Variants in C16orf74 observed in about 807,000 individuals in gnomAD.
C16orf74 encodes calcimembrin.
Under a neutral mutation model 6.5 loss-of-function variants are expected in C16orf74, and 10 were observed. The observed-to-expected ratio is 1.54, with a 90% CI of 0.95 to 2.61. The LOEUF (loss-of-function observed/expected upper bound fraction) is 2.61, where lower values mean the gene tolerates loss of function less well. Ranked by LOEUF, C16orf74 falls within the 30% of genes most tolerant of loss-of-function variation. The pLI is 0.00. For synonymous variants in C16orf74, 60 were observed against 42.5 expected, an observed-to-expected ratio of 1.41 and a Z score of -1.60; for missense variants, 141 against 105.9, an observed-to-expected ratio of 1.33 and a Z score of -1.45.
chr16:85,720,197 G>A (rs925390764), intron 2 of C16orf74, among the ~76,000 whole-genome samples: 2 of 152,104 alleles, frequency 1.3e-5, no homozygotes, highest in Non-Finnish European at 2.9e-5. Flanking sequence ...TTTTAATTAA[G>A]GAAAAAGCCC....
At chr16:85,710,554 G>C (rs2053959535) in intron 2 of C16orf74, 1 of 466,424 alleles carries the variant, frequency 2.1e-6, no homozygotes, top group Non-Finnish European at 3.7e-6. Context: ...GCTGATCATA[G>C]GCTAGTTGGC....
intron 3 of C16orf74, among the ~76,000 whole-genome samples, chr16:85,709,442 A>T (rs1377689798): frequency 6.6e-6 from 1 of 152,054 alleles, no homozygotes; most frequent in Non-Finnish European, 1.5e-5. Context: ...ACTAAATAAG[A>T]AAATCCATTT....
At chr16:85,724,369 C>G (rs539425809) in intron 2 of C16orf74, among the ~76,000 whole-genome samples, 3 of 152,132 alleles carry the variant, frequency 2.0e-5, no homozygotes, top group Non-Finnish European at 2.9e-5. Context: ...CTGCAGGGAA[C>G]GAGGGGGAGG....
Position 85,736,786 on chromosome 16 carries a change from G to C in C16orf74, c.-18-1551C>G, listed in dbSNP as rs186382507. Reference sequence around the variant, plus strand: ...TGGGATGAGCTGGCCGGGCACAGTGGCTCACGCCTATAATCCTGACACTTT... The same window carrying C: ...TGGGATGAGCTGGCCGGGCACAGTGCCTCACGCCTATAATCCTGACACTTT... On this transcript the variant is annotated intron_variant, in intron 1 of 3. Coordinates refer to ENST00000284245, the MANE Select transcript of C16orf74 (RefSeq NM_206967.3). Among the ~76,000 whole-genome samples, 261 of 152,338 alleles carry C rather than the reference G, an allele frequency of 1.7e-3. 1 individual carries two copies. Among genetic ancestry groups the C allele is most frequent in the Non-Finnish European group, 2.8e-3 (192 of 68,030 alleles).
intron 1 of C16orf74, among the ~76,000 whole-genome samples, chr16:85,748,941 T>TTA (rs2054404918): frequency 7.6e-6 from 1 of 131,636 alleles, no homozygotes; most frequent in Non-Finnish European, 1.7e-5. Context: ...TTTTTTTTTT[T>TTA]TTTTTTATTT....
intron 1 of C16orf74, chr16:85,741,626 C>G (rs1475598096): frequency 5.9e-6 from 1 of 170,492 alleles, no homozygotes; most frequent in Non-Finnish European, 1.5e-5. Context: ...TGAACTTGCC[C>G]TCATTGTCAT....
Position 85,710,314 on chromosome 16 carries a change from A to G in C16orf74, c.29-7T>C. On this transcript the variant is annotated splice_region_variant and splice_polypyrimidine_tract_variant and intron_variant, in intron 2 of 3. Transcript: ENST00000284245. ...CTGACACACATTTGAAAGCCTGAGA[A>G]GCCAGGCGTGGAGCACACACGCACG... The G allele has an allele frequency of 6.7e-7, 1 of 1,501,632 alleles. No individual in the cohort carries two copies. Among genetic ancestry groups the G allele is most frequent in the Non-Finnish European group, 8.8e-7 (1 of 1,137,302 alleles). 93.0% of individuals were successfully genotyped at this position (1,501,632 alleles called of 1,614,324 possible).
chr16:85,719,539 T>C (rs2054058278), intron 2 of C16orf74, among the ~76,000 whole-genome samples: 1 of 151,898 alleles, frequency 6.6e-6, no homozygotes, highest in Non-Finnish European at 1.5e-5. Context: ...CACAGAGAAG[T>C]CAGGGCACAG....
At chr16:85,722,633 G>C (rs2054094322) in intron 2 of C16orf74, among the ~76,000 whole-genome samples, 1 of 151,930 alleles carries the variant, frequency 6.6e-6, no homozygotes, top group African/African-American at 2.4e-5. Context: ...TCCCTGATCA[G>C]GGACCAGGAC....
At chr16:85,710,944 C>G (rs985457148) in intron 2 of C16orf74, 1 of 152,286 alleles carries the variant, frequency 6.6e-6, no homozygotes, top group African/African-American at 2.4e-5. Context: ...ACCTGGAGGA[C>G]AGTCTCTATT....
chr16:85,748,941 T>A (rs8060898), intron 1 of C16orf74, among the ~76,000 whole-genome samples: 11,883 of 131,706 alleles, frequency 0.09, 630 homozygotes, highest in Admixed American at 0.21. Context: ...TTTTTTTTTT[T>A]TTTTTTATTT....
At position 85,734,701 on chromosome 16, in the gene C16orf74, C is replaced by A. The variant is rs149372704; in HGVS notation, c.28+489G>T. Among the ~76,000 whole-genome samples the A allele has an allele frequency of 1.6e-3, 241 of 152,338 alleles. 1 individual carries two copies. Among genetic ancestry groups the A allele is most frequent in the African/African-American group, 5.4e-3 (226 of 41,570 alleles). On this transcript the variant is annotated intron_variant, in intron 2 of 3. Transcript: ENST00000284245. Reference sequence around the variant, plus strand: ...GAGGTGCCCCAGGGCCATCCACACACAGGACAGAAGTCTGGGCTGCCTTTG... The same window carrying A: ...GAGGTGCCCCAGGGCCATCCACACAAAGGACAGAAGTCTGGGCTGCCTTTG...
At chr16:85,718,261 G>C (rs2054044975) in intron 2 of C16orf74, among the ~76,000 whole-genome samples, 1 of 151,966 alleles carries the variant, frequency 6.6e-6, no homozygotes, top group Non-Finnish European at 1.5e-5. Context: ...TTTTTGTAGA[G>C]ACAGGGCCTC....
chr16:85,714,894 C>T (rs67524510), intron 2 of C16orf74, among the ~76,000 whole-genome samples: 100,969 of 150,864 alleles, frequency 0.67, 34,151 homozygotes, highest in East Asian at 0.85. Flanking sequence ...CGGTGGCTCA[C>T]GCCTGTAATC....
chr16:85,721,038 C>G (rs1054125687), intron 2 of C16orf74, among the ~76,000 whole-genome samples: 2 of 152,062 alleles, frequency 1.3e-5, no homozygotes, highest in African/African-American at 4.8e-5. Context: ...TTGCAGTGAA[C>G]CAAGATCGCG....
chr16:85,725,753 G>C (rs1026512375), intron 2 of C16orf74, among the ~76,000 whole-genome samples: 3 of 152,124 alleles, frequency 2.0e-5, no homozygotes, highest in Non-Finnish European at 4.4e-5. Context: ...ACAGGCGCAT[G>C]CTACCACACC....
At chr16:85,710,442 G>T (rs368866028) in intron 2 of C16orf74, 135 bp from the exon 3 acceptor site, 8 of 732,100 alleles carry the variant, frequency 1.1e-5, no homozygotes, top group Non-Finnish European at 1.6e-5. Flanking sequence ...AAGGAGCGCA[G>T]CTGTCCCCGC....
At chr16:85,740,101 T>C (rs1217836552) in intron 1 of C16orf74, among the ~76,000 whole-genome samples, 4 of 145,520 alleles carry the variant, frequency 2.7e-5, no homozygotes. Flanking sequence ...TCCCAGCTAC[T>C]CGGGAGGCTG....
intron 2 of C16orf74, among the ~76,000 whole-genome samples, chr16:85,716,846 A>G (rs1293624696): frequency 6.6e-6 from 1 of 152,192 alleles, no homozygotes; most frequent in Admixed American, 6.5e-5. Context: ...CTGGGGATTA[A>G]AAACCAAATG....
Sources: gnomAD v4.1 joint callset for allele counts (sites outside exome capture counted in the v4.1 genomes callset) on GRCh38, gnomAD v4.1.1 for gene constraint, MANE v1.5 for transcripts, NCBI Gene and HGNC (gene_info 2026-07-23, HGNC 2026-07-21) for gene names.